WDFY2: variants seen among roughly 807,000 people sequenced by gnomAD.
WDFY2 encodes the protein WD repeat and FYVE domain containing 2, also known as WD repeat and FYVE domain-containing protein 2.
In WDFY2, 36 loss-of-function variants were observed where a neutral mutation model predicts 56.4. That is an observed-to-expected ratio of 0.64 (90% confidence interval 0.49 to 0.84). The LOEUF (loss-of-function observed/expected upper bound fraction) is 0.84. Among genes scored for constraint, WDFY2 ranks in the 40% least tolerant of loss-of-function variants. The pLI is 0.00. For missense variants in WDFY2, 444 were observed against 512.2 expected (o/e 0.87, Z 1.29); for synonymous variants, 176 against 183.7 (o/e 0.96, Z 0.34).
chr13:51,707,259 A>C (rs1398127016), intron 4 of WDFY2, among the ~76,000 whole-genome samples: 1 of 152,196 alleles, frequency 6.6e-6, no homozygotes, highest in Non-Finnish European at 1.5e-5. Flanking sequence ...TCCTGGGCTC[A>C]AGCAGTCCTC....
intron 9 of WDFY2, among the ~76,000 whole-genome samples, 188 bp downstream of exon 9, chr13:51,755,647 TAGTGGTTGGTTCCCAGTAAGC>T (rs1465117595): frequency 6.6e-6 from 1 of 152,202 alleles, no homozygotes; most frequent in Non-Finnish European, 1.5e-5. Context: ...TCAGTTTCTG[TAGTGGTTGGTTCCCAGTAAGC>T]AGTTAGGGAT....
intron 1 of WDFY2, among the ~76,000 whole-genome samples, chr13:51,618,610 A>T: frequency 6.6e-6 from 1 of 152,376 alleles, no homozygotes; most frequent in East Asian, 1.9e-4. Context: ...AGGGTTTCCT[A>T]ATTTATAGAG....
At chr13:51,696,520 A>G (rs779587069) in intron 3 of WDFY2, among the ~76,000 whole-genome samples, 9 of 152,192 alleles carry the variant, frequency 5.9e-5, no homozygotes, top group African/African-American at 9.7e-5. Context: ...AGAACCCCCA[A>G]ACAGACTCAG....
At chr13:51,715,024 A>T (rs1348761664) in intron 4 of WDFY2, among the ~76,000 whole-genome samples, 3 of 152,216 alleles carry the variant, frequency 2.0e-5, no homozygotes, top group Non-Finnish European at 4.4e-5. Flanking sequence ...CAAAAGATTT[A>T]AAAAATGTTA....
chr13:51,669,012 T>G (rs186978329), intron 2 of WDFY2, among the ~76,000 whole-genome samples: 5 of 152,322 alleles, frequency 3.3e-5, no homozygotes, highest in Middle Eastern at 3.4e-3. Flanking sequence ...TACATGATTT[T>G]TAAATAAACA....
At chr13:51,723,064 A>T (rs1338153009) in intron 5 of WDFY2, among the ~76,000 whole-genome samples, 1 of 152,196 alleles carries the variant, frequency 6.6e-6, no homozygotes, top group Non-Finnish European at 1.5e-5. Flanking sequence ...TCAGGTAAAG[A>T]GTTCTGAAAA....
At chr13:51,636,235 T>C (rs1367906412) in intron 1 of WDFY2, among the ~76,000 whole-genome samples, 1 of 152,210 alleles carries the variant, frequency 6.6e-6, no homozygotes, top group Non-Finnish European at 1.5e-5. Context: ...TACATGCATA[T>C]TTGCAGTTCA....
At chr13:51,599,840 TTTGTC>T (rs1954231295) in intron 1 of WDFY2, among the ~76,000 whole-genome samples, 1 of 152,064 alleles carries the variant, frequency 6.6e-6, no homozygotes, top group Non-Finnish European at 1.5e-5. Flanking sequence ...CTATTCAACT[TTTGTC>T]ATGTGGGTGA....
chr13:51,692,682 T>A (rs1438065776), intron 3 of WDFY2, among the ~76,000 whole-genome samples: 1 of 152,258 alleles, frequency 6.6e-6, no homozygotes, highest in Non-Finnish European at 1.5e-5. Context: ...CTGCCTGGCT[T>A]TGGTATCAGG....
chr13:51,666,261 C>T (rs377327989), intron 2 of WDFY2, among the ~76,000 whole-genome samples: 1 of 152,164 alleles, frequency 6.6e-6, no homozygotes, highest in East Asian at 1.9e-4. Flanking sequence ...TCATTGTGCC[C>T]TCAGCTTACA....
chr13:51,685,523 C>CAAT (rs1374050460), intron 3 of WDFY2, among the ~76,000 whole-genome samples: 2 of 151,992 alleles, frequency 1.3e-5, no homozygotes, highest in African/African-American at 4.8e-5. Flanking sequence ...TATAGTCTTA[C>CAAT]AATAAAGTAA....
chr13:51,603,360 C>A (rs1954323320), intron 1 of WDFY2, among the ~76,000 whole-genome samples: 1 of 152,112 alleles, frequency 6.6e-6, no homozygotes. Context: ...GGTAGTAATG[C>A]CTGGTAGGGC....
intron 6 of WDFY2, among the ~76,000 whole-genome samples, chr13:51,735,257 T>A (rs780962816): frequency 2.0e-5 from 3 of 152,226 alleles, no homozygotes; most frequent in Non-Finnish European, 4.4e-5. Flanking sequence ...ATGCAGCAGA[T>A]CAGTTGAGTA....
intron 4 of WDFY2, among the ~76,000 whole-genome samples, chr13:51,713,684 A>C (rs1182776653): frequency 1.3e-5 from 2 of 152,036 alleles, no homozygotes; most frequent in Non-Finnish European, 2.9e-5. Context: ...ACCAGCCTCT[A>C]CTAAAATATA....
chr13:51,703,683 G>T (rs368835562), intron 4 of WDFY2, 33 bp downstream of exon 4: 66 of 1,561,104 alleles, frequency 4.2e-5, no homozygotes, highest in Non-Finnish European at 5.1e-5. Flanking sequence ...TCATTACCCA[G>T]ATTCTAAAAT....
chr13:51,601,262 C>G (rs1300629937), intron 1 of WDFY2, among the ~76,000 whole-genome samples: 1 of 152,130 alleles, frequency 6.6e-6, no homozygotes. Flanking sequence ...TATATCCTAT[C>G]TCAGGGAGGA....
chr13:51,584,916 G>T (rs1759117363), intron 1 of WDFY2, 92 bp downstream of exon 1: 3 of 1,536,414 alleles, frequency 2.0e-6, no homozygotes, highest in Non-Finnish European at 2.6e-6. Flanking sequence ...ACGTCGGCGC[G>T]AGTGTAGACT....
intron 6 of WDFY2, among the ~76,000 whole-genome samples, chr13:51,732,940 G>A (rs965280211): frequency 2.0e-5 from 3 of 152,336 alleles, no homozygotes; most frequent in Middle Eastern, 3.4e-3. Flanking sequence ...AGCAGGTGCC[G>A]TGGAGCCCTG....
At chr13:51,699,246 A>G (rs1215236545) in intron 3 of WDFY2, among the ~76,000 whole-genome samples, 1 of 152,192 alleles carries the variant, frequency 6.6e-6, no homozygotes, top group East Asian at 1.9e-4. Flanking sequence ...TTAAAATGCA[A>G]AGGGATATGG....
Sources: allele counts gnomAD v4.1 joint callset (sites outside exome capture counted in the v4.1 genomes callset), GRCh38; gene constraint gnomAD v4.1.1; transcripts MANE v1.5; gene names NCBI Gene and HGNC (gene_info 2026-07-23, HGNC 2026-07-21).